Variants in CLCNKA observed in about 807,000 individuals in gnomAD.
The protein encoded by CLCNKA is chloride voltage-gated channel Ka, also known as chloride channel protein ClC-Ka.
A neutral mutation model predicts 83.3 loss-of-function variants in CLCNKA; 66 were observed. That is an observed-to-expected ratio of 0.79 (90% CI 0.65 to 0.97). The LOEUF (loss-of-function observed/expected upper bound fraction) is 0.97, where lower values mean the gene tolerates loss of function less well. Among genes scored for constraint, CLCNKA ranks in the 50% least tolerant of loss-of-function variants. CLCNKA has a pLI of 0.00. For missense variants in CLCNKA, 806 were observed against 888.7 expected (o/e 0.91, Z 1.18); for synonymous variants, 357 against 370.4 (o/e 0.96, Z 0.42).
rs781193194 is a variant in CLCNKA at position 16,028,108 on chromosome 1, G to T, written c.957G>T (p.Leu319=). 2 of 1,551,840 alleles carry T rather than the reference G, an allele frequency of 1.3e-6. No individual in the cohort carries two copies. The highest frequency in any genetic ancestry group is 1.1e-5 in the South Asian group (1 of 90,472). Residue 319 remains leucine, a synonymous_variant, in exon 10 of 20, where the codon CTG becomes CTT. Coordinates refer to ENST00000331433, the MANE Select transcript of CLCNKA (RefSeq NM_004070.4). ...FIKTNRYSSK[L]LATSKPVYSA... is the part of the protein sequence containing the mutation. ...AGACCAATCGGTACAGCTCCAAACT[G>T]CTGGCTACTAGGTAGGCTCTGGGCT...
intron 13 of CLCNKA, 59 bp from the exon 14 acceptor site, chr1:16,029,905 GA>G (rs1557454350): frequency 6.3e-7 from 1 of 1,599,578 alleles, no homozygotes; most frequent in African/African-American, 1.3e-5. Context: ...GGTCCTCAGG[GA>G]TGGAGGGCTG....
At chr1:16,027,236 G>C in intron 7 of CLCNKA, 74 bp from the exon 8 acceptor site, 1 of 1,596,844 alleles carries the variant, frequency 6.3e-7, no homozygotes. Context: ...GGGAGGAGGC[G>C]AGATGGGGGA....
At position 16,029,313 on chromosome 1, in the gene CLCNKA, C is replaced by T. The variant is rs186447972; in HGVS notation, c.1227+14C>T. ...CTGGTTATGAAGGTGGGCCCCCTGA[C>T]CCCCAGGTGTGCACAGAGCCAGGAC... On this transcript the variant is annotated intron_variant, in intron 12 of 19. Transcript: ENST00000331433. 8.7e-4 allele frequency: 1,409 copies of T among 1,613,590 alleles called. 5 individuals carry two copies. Among genetic ancestry groups the T allele is most frequent in the African/African-American group, 8.1e-3 (611 of 74,994 alleles).
intron 5 of CLCNKA, 101 bp from the exon 6 acceptor site, chr1:16,026,435 G>C: frequency 6.5e-7 from 1 of 1,540,194 alleles, no homozygotes; most frequent in South Asian, 1.1e-5. Flanking sequence ...ACAGCCCTGG[G>C]GGTTGGGGAG....
At chr1:16,031,508 A>G (rs568636721) in intron 15 of CLCNKA, among the ~76,000 whole-genome samples, 16 of 152,250 alleles carry the variant, frequency 1.1e-4, no homozygotes, top group Non-Finnish European at 2.2e-4. Flanking sequence ...GGGGATTTGG[A>G]ACTGGGCCAT....
chr1:16,024,678 C>T (rs1229289259), intron 3 of CLCNKA, 85 bp from the exon 4 acceptor site: 6 of 1,578,836 alleles, frequency 3.8e-6, no homozygotes, highest in Non-Finnish European at 5.2e-6. Flanking sequence ...GACTCCATTT[C>T]CTGGTCAGTA....
rs371135398 is a variant in CLCNKA, at chr1:16,033,705, G to A, written c.*47G>A. ...AGGGCACCCCAGCTGACCTGGTACT[G>A]AGGTTGGGCTGAGACCCTGCTTCTC... On this transcript the variant is annotated 3_prime_UTR_variant, in exon 20 of 20. Coordinates refer to ENST00000331433, the MANE Select transcript of CLCNKA (RefSeq NM_004070.4). The A allele has an allele frequency of 1.3e-5, 20 of 1,596,776 alleles. No homozygotes were observed. Among genetic ancestry groups the A allele is most frequent in the Non-Finnish European group, 1.6e-5 (19 of 1,166,604 alleles).
In CLCNKA at chr1:16,029,159, G is replaced by C; in HGVS notation, c.1087G>C (p.Asp363His). 2 of 1,612,312 alleles carry C rather than the reference G, an allele frequency of 1.2e-6. No homozygotes were observed. The highest frequency in any genetic ancestry group is 2.7e-5 in the African/African-American group (2 of 74,996). Residue 363 changes from aspartate to histidine, a missense_variant, in exon 12 of 20, where the codon GAC becomes CAC. Asp to His is a moderately conservative substitution (Grantham distance 81, BLOSUM62 -1). Coordinates refer to ENST00000331433, the MANE Select transcript of CLCNKA (RefSeq NM_004070.4). Reference protein sequence around the residue: ...SMKQHLDSLFDNHSWALMTQN... With the variant: ...SMKQHLDSLFHNHSWALMTQN... ...GAAGCAGCATCTGGACTCGCTGTTCGACAACCACTCCTGGGCGCTGATGAC... is the reference window on the plus strand; with the variant it reads ...GAAGCAGCATCTGGACTCGCTGTTCCACAACCACTCCTGGGCGCTGATGAC...
Position 16,029,307 on chromosome 1 carries a change from C to T in CLCNKA, c.1227+8C>T, listed in dbSNP as rs2022516220. ...TTCTTCCTGGTTATGAAGGTGGGCCCCCTGACCCCCAGGTGTGCACAGAGC... is the reference window on the plus strand; with the variant it reads ...TTCTTCCTGGTTATGAAGGTGGGCCTCCTGACCCCCAGGTGTGCACAGAGC... On this transcript the variant is annotated splice_region_variant and intron_variant, in intron 12 of 19. Coordinates refer to ENST00000331433, the MANE Select transcript of CLCNKA (RefSeq NM_004070.4). 1 of 1,613,714 alleles carries T rather than the reference C, an allele frequency of 6.2e-7. No individual in the cohort carries two copies. Among genetic ancestry groups the T allele is most frequent in the Non-Finnish European group, 8.5e-7 (1 of 1,179,986 alleles).
Position 16,027,292 on chromosome 1 carries a change from C to T in CLCNKA, c.656-18C>T, listed in dbSNP as rs371604851. On this transcript the variant is annotated intron_variant, in intron 7 of 19. Coordinates refer to ENST00000331433, the MANE Select transcript of CLCNKA (RefSeq NM_004070.4). Reference sequence around the variant, plus strand: ...TGGGTGGGGGTGGGGGCCCACCTGACATCAGTGTCGCCCCCAGGCGTCCTG... The same window carrying T: ...TGGGTGGGGGTGGGGGCCCACCTGATATCAGTGTCGCCCCCAGGCGTCCTG... The T allele has an allele frequency of 8.1e-6, 13 of 1,612,610 alleles. No individual in the cohort carries two copies. In the East Asian group the frequency reaches 2.2e-4, roughly 28 times the overall value.
chr1:16,028,216 C>G (rs1247119815), intron 10 of CLCNKA, 97 bp downstream of exon 10: 1 of 1,130,874 alleles, frequency 8.8e-7, no homozygotes, highest in Admixed American at 1.9e-5. Context: ...CCACTGAGCC[C>G]CTAAATCCCT....
rs780404192 is a variant in CLCNKA at position 16,028,777 on chromosome 1, G to A, written c.985G>A (p.Ala329Thr). The change falls in exon 11 of 20, where the codon GCT becomes ACT. Residue 329 changes from alanine (A) to threonine (T), a missense_variant. Coordinates refer to ENST00000331433, the MANE Select transcript of CLCNKA (RefSeq NM_004070.4). ...CCCCCACAGCAAGCCTGTGTACTCC[G>A]CTCTGGCCACCTTGCTTCTCGCCTC... is the stretch of plus-strand genomic sequence containing the variant. ...LLATSKPVYS[A>T]LATLLLASIT... 5.0e-6 allele frequency: 8 copies of A among 1,614,146 alleles called. No homozygotes were observed. The highest frequency in any genetic ancestry group is 2.2e-5 in the South Asian group (2 of 91,090).
rs746511101 is a variant in CLCNKA, at chr1:16,031,800, G to GA, written c.1714dup (p.Thr572AsnfsTer35). The GA allele has an allele frequency of 5.0e-6, 8 of 1,613,860 alleles. No individual in the cohort carries two copies. Among genetic ancestry groups the GA allele is most frequent in the Non-Finnish European group, 6.8e-6 (8 of 1,180,038 alleles). ...CGCTGGAGGAGGTGGTCAAGGTTGT[G>GA]ACCTCCACAGACGTGACCGAGTATC... On this transcript the variant is annotated frameshift_variant, in exon 16 of 20. Transcript: ENST00000331433. LOFTEE classifies it high-confidence loss of function.
chr1:16,029,610 G>T, intron 12 of CLCNKA, 121 bp from the exon 13 acceptor site: 1 of 1,298,746 alleles, frequency 7.7e-7, no homozygotes, highest in Non-Finnish European at 1.1e-6. Context: ...CTCTGGCAGT[G>T]GGTGCATGGC....
At chr1:16,029,877 C>T in intron 13 of CLCNKA, 77 bp downstream of exon 13, 1 of 1,603,594 alleles carries the variant, frequency 6.2e-7, no homozygotes, top group Non-Finnish European at 8.5e-7. Flanking sequence ...CACCCTCTTC[C>T]CGGGTGGTAC....
At chr1:16,027,277 T>TG in intron 7 of CLCNKA, 33 bp from the exon 8 acceptor site, 4 of 1,607,824 alleles carry the variant, frequency 2.5e-6, no homozygotes, top group Non-Finnish European at 3.4e-6. Context: ...TGGGTGGGGG[T>TG]GGGGGCCCAC....
chr1:16,030,999 C>G (rs939915023), intron 15 of CLCNKA, among the ~76,000 whole-genome samples: 1 of 152,198 alleles, frequency 6.6e-6, no homozygotes, highest in African/African-American at 2.4e-5. Context: ...CACAGAGAGT[C>G]AGCACCAGAT....
At chr1:16,029,888 T>C in intron 13 of CLCNKA, 77 bp from the exon 14 acceptor site, 1 of 1,601,694 alleles carries the variant, frequency 6.2e-7, no homozygotes, top group South Asian at 1.1e-5. Flanking sequence ...CGGGTGGTAC[T>C]AAGGATGGTC....
chr1:16,026,883 C>T (rs2124033397), intron 7 of CLCNKA, 108 bp downstream of exon 7: 2 of 1,434,942 alleles, frequency 1.4e-6, no homozygotes, highest in East Asian at 2.4e-5. Context: ...GGGGCTCATT[C>T]TTGTTCTCAC....
Sources: allele counts gnomAD v4.1 joint callset (sites outside exome capture counted in the v4.1 genomes callset), GRCh38; gene constraint gnomAD v4.1.1; transcripts MANE v1.5; gene names NCBI Gene and HGNC (gene_info 2026-07-23, HGNC 2026-07-21).